SLC4A8: variants seen among roughly 807,000 people sequenced by gnomAD.
The protein encoded by SLC4A8 is solute carrier family 4 member 8, also known as electroneutral sodium bicarbonate exchanger 1.
In SLC4A8, 40 loss-of-function variants were observed where a neutral mutation model predicts 125.0. The observed-to-expected ratio is 0.32, with a 90% CI of 0.25 to 0.42. The LOEUF (loss-of-function observed/expected upper bound fraction) is 0.42. SLC4A8 is among the 10% of genes least tolerant of loss of function. The pLI is 1.00. For missense variants in SLC4A8, 863 were observed against 1,355.1 expected (o/e 0.64, Z 5.70); for synonymous variants, 456 against 476.0 (o/e 0.96, Z 0.55).
chr12:51,499,772 A>T (rs1462206070), intron 22 of SLC4A8, among the ~76,000 whole-genome samples: 2 of 152,192 alleles, frequency 1.3e-5, no homozygotes, highest in Admixed American at 1.3e-4. Flanking sequence ...GACCTGAATC[A>T]AGTGAGAAGC....
At position 51,508,616 on chromosome 12, in the gene SLC4A8, G is replaced by C. The variant is rs1482865008; in HGVS notation, c.*1178G>C. On this transcript the variant is annotated 3_prime_UTR_variant, in exon 25 of 25. Coordinates refer to ENST00000453097, the MANE Select transcript of SLC4A8 (RefSeq NM_001039960.3). ...ACATTCTGGCTCTCAGATGCAAAAA[G>C]TCACACTGGGAAATGAACTGTAAGT... is the stretch of plus-strand genomic sequence containing the variant. 2 of 152,626 alleles carry C rather than the reference G, an allele frequency of 1.3e-5. No individual in the cohort carries two copies. The highest frequency in any genetic ancestry group is 2.9e-5 in the Non-Finnish European group (2 of 68,044). The allele number at this position is 152,626 out of a possible 1,614,324, so 9.5% of individuals were successfully genotyped here. A position where few individuals can be genotyped will look rare whatever the true frequency, so the allele number is the denominator to read the frequency against.
chr12:51,495,682 G>C (rs1055870032), intron 21 of SLC4A8, among the ~76,000 whole-genome samples: 4 of 151,486 alleles, frequency 2.6e-5, no homozygotes, highest in African/African-American at 9.7e-5. Flanking sequence ...GGGTTTCACT[G>C]TGTTGGCCAG....
At chr12:51,486,765 C>G (rs1303850560) in intron 17 of SLC4A8, among the ~76,000 whole-genome samples, 1 of 152,192 alleles carries the variant, frequency 6.6e-6, no homozygotes, top group Non-Finnish European at 1.5e-5. Context: ...TTGTCCCTTT[C>G]CTTTCTCTTT....
At position 51,463,676 on chromosome 12, in the gene SLC4A8, T is replaced by C. The variant is rs1417382339; in HGVS notation, c.1311T>C (p.His437=). 51 of 1,613,994 alleles carry C rather than the reference T, an allele frequency of 3.2e-5. No homozygotes were observed. The highest frequency in any genetic ancestry group is 3.9e-5 in the Non-Finnish European group (46 of 1,179,916). The change falls in exon 11 of 25, where the codon CAT becomes CAC. Residue 437 remains histidine (H), a synonymous_variant. Transcript: ENST00000453097. ...TTTGCCACATAGAACAGGAACCACATGGGGGTCACAGTGGGCCAGAACTTC... is the reference window on the plus strand; with the variant it reads ...TTTGCCACATAGAACAGGAACCACACGGGGGTCACAGTGGGCCAGAACTTC... ...GNVCHIEQEP[H]GGHSGPELQR...
In SLC4A8 at chr12:51,487,919, C is replaced by T. The variant is rs143023511; in HGVS notation, c.2287-780C>T. On this transcript the variant is annotated intron_variant, in intron 17 of 24. Transcript: ENST00000453097. ...ACATTATGTGGCTCTGGAGAGAAGT[C>T]GTAGGAGAATAGTCTAAGTTATTTA... is the stretch of plus-strand genomic sequence containing the variant. Among the ~76,000 whole-genome samples, 16 of 152,270 alleles carry T rather than the reference C, an allele frequency of 1.1e-4. No individual in the cohort carries two copies. The East Asian group carries it at 1.4e-3, about 13-fold the overall frequency.
intron 2 of SLC4A8, among the ~76,000 whole-genome samples, chr12:51,447,904 G>A (rs1383054526): frequency 6.6e-6 from 1 of 151,322 alleles, no homozygotes; most frequent in Non-Finnish European, 1.5e-5. Flanking sequence ...TTTTTTTAGT[G>A]GAGACGGGGT....
intron 16 of SLC4A8, among the ~76,000 whole-genome samples, chr12:51,478,611 A>C (rs891110695): frequency 2.0e-5 from 3 of 152,246 alleles, no homozygotes; most frequent in African/African-American, 7.2e-5. Flanking sequence ...CTCTGCACCA[A>C]ATTCCAGAGT....
intron 1 of SLC4A8, among the ~76,000 whole-genome samples, chr12:51,410,443 G>A (rs1296571767): frequency 1.3e-5 from 2 of 151,784 alleles, no homozygotes; most frequent in African/African-American, 2.4e-5. Flanking sequence ...GAATGCATCT[G>A]GTGTTGAAAT....
chr12:51,488,907 A>G (rs1481655934), intron 18 of SLC4A8, 47 bp downstream of exon 18: 2 of 1,540,332 alleles, frequency 1.3e-6, no homozygotes, highest in South Asian at 1.2e-5. Context: ...AACCTGTTAC[A>G]TTTTCGTAAA....
chr12:51,425,281 G>C, intron 1 of SLC4A8: 2 of 1,299,780 alleles, frequency 1.5e-6, no homozygotes, highest in Non-Finnish European at 9.7e-7. Flanking sequence ...TGCGCCGCCC[G>C]CCCAGGAGCC....
chr12:51,394,180 G>A (rs1424569331), intron 1 of SLC4A8, among the ~76,000 whole-genome samples: 3 of 152,198 alleles, frequency 2.0e-5, no homozygotes, highest in Non-Finnish European at 4.4e-5. Flanking sequence ...ATTACCCCCA[G>A]CCTGGTGCTC....
chr12:51,473,709 G>A (rs1212776036), intron 14 of SLC4A8, among the ~76,000 whole-genome samples: 4 of 152,190 alleles, frequency 2.6e-5, no homozygotes, highest in African/African-American at 9.6e-5. Flanking sequence ...CACAGGTGTG[G>A]TCTGGTCTGG....
In SLC4A8 at chr12:51,510,498, A is replaced by G. The variant is rs1220223089; in HGVS notation, c.*3060A>G. 1 of 151,952 alleles carries G rather than the reference A, an allele frequency of 6.6e-6. No individual in the cohort carries two copies. The highest frequency in any genetic ancestry group is 1.5e-5 in the Non-Finnish European group (1 of 67,988). 9.4% of individuals were successfully genotyped at this position (151,952 alleles called of 1,614,324 possible). A position where few individuals can be genotyped will look rare whatever the true frequency, so the allele number is the denominator to read the frequency against. On this transcript the variant is annotated 3_prime_UTR_variant, in exon 25 of 25. Transcript: ENST00000453097. The stretch of plus-strand genomic sequence containing the variant: ...CTCTCGAATGCATGAATGATATATC[A>G]ATTTGAAGTTTCTCGACCTTTCCAT...
intron 19 of SLC4A8, among the ~76,000 whole-genome samples, chr12:51,492,778 C>T (rs1333451891): frequency 1.3e-5 from 2 of 151,992 alleles, no homozygotes; most frequent in African/African-American, 4.8e-5. Context: ...ACCTGTCAAC[C>T]GATCATCTAG....
Position 51,463,187 on chromosome 12 carries a change from G to A in SLC4A8, c.1249-427G>A, listed in dbSNP as rs1170719722. ...CAGGTGCTTTATATATGCAAATTCA[G>A]CCTTCCCAGGAACATCCCTCAAAAG... is the stretch of plus-strand genomic sequence containing the variant. On this transcript the variant is annotated intron_variant, in intron 10 of 24. Coordinates refer to ENST00000453097, the MANE Select transcript of SLC4A8 (RefSeq NM_001039960.3). 5.3e-5 allele frequency among the ~76,000 whole-genome samples: 8 copies of A among 152,164 alleles called. No homozygotes were observed. The East Asian group carries it at 5.8e-4, about 11-fold the overall frequency.
intron 19 of SLC4A8, among the ~76,000 whole-genome samples, chr12:51,493,406 T>G (rs890267877): frequency 1.1e-4 from 16 of 149,002 alleles, no homozygotes; most frequent in Admixed American, 7.3e-4. Context: ...GTGTGTGTGT[T>G]TGTGTGTGTG....
chr12:51,424,062 A>AAAAT (rs57379408), upstream of SLC4A8, among the ~76,000 whole-genome samples: 1 of 51,844 alleles, frequency 1.9e-5, no homozygotes, highest in African/African-American at 5.7e-5. Flanking sequence ...AACAAAAAAA[A>AAAAT]CAACAAAAAA....
chr12:51,488,958 T>G, intron 18 of SLC4A8, 98 bp downstream of exon 18: 1 of 881,768 alleles, frequency 1.1e-6, no homozygotes. Flanking sequence ...TTGTAGAATC[T>G]CATAGAAGAG....
intron 1 of SLC4A8, among the ~76,000 whole-genome samples, chr12:51,398,852 C>T (rs1356790327): frequency 2.0e-5 from 3 of 152,178 alleles, no homozygotes; most frequent in Admixed American, 6.5e-5. Context: ...CGGGTTCAAG[C>T]GATTCTCCTG....
Sources: gnomAD v4.1 joint callset for allele counts (sites outside exome capture counted in the v4.1 genomes callset) on GRCh38, gnomAD v4.1.1 for gene constraint, MANE v1.5 for transcripts, NCBI Gene and HGNC (gene_info 2026-07-23, HGNC 2026-07-21) for gene names.